The following DCHS2 variants were observed in gnomAD, a reference collection of about 807,000 sequenced individuals.
DCHS2 encodes dachsous cadherin-related 2.
DCHS2 carries 142 observed loss-of-function variants against 182.4 expected under a neutral mutation model. That is an observed-to-expected ratio of 0.78 (90% CI 0.68 to 0.89). The LOEUF is 0.89. Among genes scored for constraint, DCHS2 ranks in the 40% least tolerant of loss-of-function variants. DCHS2 has a pLI of 0.00. For synonymous variants in DCHS2, 1,740 were observed against 1,663.3 expected (o/e 1.05, Z -1.12); for missense variants, 4,319 against 4,198.6 (o/e 1.03, Z -0.79).
At chr4:154,336,434 T>C (rs1728814881) in intron 3 of DCHS2, among the ~76,000 whole-genome samples, 1 of 152,238 alleles carries the variant, frequency 6.6e-6, no homozygotes, top group African/African-American at 2.4e-5. Flanking sequence ...CAAATACGTA[T>C]GGCTGGCCTT....
chr4:154,411,131 C>T (rs1732613325), intron 1 of DCHS2, among the ~76,000 whole-genome samples: 1 of 152,072 alleles, frequency 6.6e-6, no homozygotes, highest in Non-Finnish European at 1.5e-5. Flanking sequence ...AGAAGTCAGA[C>T]ACAGAAAGAA....
chr4:154,268,090 A>G (rs910921675), intron 14 of DCHS2, among the ~76,000 whole-genome samples: 4 of 152,234 alleles, frequency 2.6e-5, no homozygotes, highest in African/African-American at 9.6e-5. Context: ...GTGAGGTGCC[A>G]TAGCAAAACT....
rs765523587 is a variant in DCHS2 at position 154,304,735 on chromosome 4, C to T, written c.5539G>A (p.Val1847Ile). The T allele has an allele frequency of 6.8e-6, 11 of 1,614,070 alleles. No individual in the cohort carries two copies. The South Asian group carries it at 1.1e-4, about 16-fold the overall frequency. ...ATATCAGAGGCTAAAACCGTATAGA[C>T]AACCTCTGGTTCCTGGTTTTCCAGA... ...EVLENQEPEV[V>I]YTVLASDMDA... The change falls in exon 12 of 20, where the codon GTC becomes ATC. Residue 1847 changes from valine (V) to isoleucine (I), a missense_variant. Physicochemically the swap from Val to Ile is conservative, Grantham distance 29 (BLOSUM62 3). Coordinates refer to ENST00000357232, the MANE Select transcript of DCHS2 (RefSeq NM_001358235.2).
At chr4:154,328,050 A>C in intron 7 of DCHS2, 43 bp downstream of exon 7, 1 of 1,404,966 alleles carries the variant, frequency 7.1e-7, no homozygotes, top group Non-Finnish European at 9.7e-7. Flanking sequence ...ATGAAAGCAG[A>C]AATCCTAAAA....
At chr4:154,251,340 A>G (rs972824154) in intron 16 of DCHS2, among the ~76,000 whole-genome samples, 4 of 152,212 alleles carry the variant, frequency 2.6e-5, no homozygotes, top group African/African-American at 7.2e-5. Flanking sequence ...TCTACCATGT[A>G]CTAGCTTCGG....
intron 1 of DCHS2, among the ~76,000 whole-genome samples, chr4:154,399,300 G>C (rs924949679): frequency 2.0e-5 from 3 of 152,108 alleles, no homozygotes; most frequent in Non-Finnish European, 2.9e-5. Context: ...CAGATGCCAC[G>C]CAAGAGTTTA....
In DCHS2 at chr4:154,401,468, A is replaced by G. The variant is rs1464015666; in HGVS notation, c.2053-24024T>C. 2.6e-5 allele frequency among the ~76,000 whole-genome samples: 4 copies of G among 152,210 alleles called. No individual in the cohort carries two copies. The East Asian group carries it at 7.7e-4, about 29-fold the overall frequency. ...AACACTTCTAAGTATTTTACCAGTA[A>G]CATATGAGTTCCAGCTGCTGCTCCA... On this transcript the variant is annotated intron_variant, in intron 1 of 19. Coordinates refer to ENST00000357232, the MANE Select transcript of DCHS2 (RefSeq NM_001358235.2).
chr4:154,419,839 C>T (rs566044290), intron 1 of DCHS2, among the ~76,000 whole-genome samples: 1 of 133,676 alleles, frequency 7.5e-6, no homozygotes, highest in South Asian at 2.4e-4. Context: ...AAAAAAAAGC[C>T]AGAGAAGAAC....
At position 154,489,577 on chromosome 4, in the gene DCHS2, T is replaced by C; in HGVS notation, c.1779A>G (p.Gln593=). 1.9e-6 allele frequency: 3 copies of C among 1,550,944 alleles called. No homozygotes were observed. The highest frequency in any genetic ancestry group is 1.2e-5 in the South Asian group (1 of 84,044). Residue 593 remains glutamine, a synonymous_variant, in exon 1 of 20, where the codon CAA becomes CAG. Transcript: ENST00000357232. ...LSAPCNLGSL[Q]SKMVHTAECG... The stretch of plus-strand genomic sequence containing the variant: ...ACTCTGCGGTGTGGACCATCTTTGA[T>C]TGCAGGGAGCCGAGATTGCAGGGAG...
intron 13 of DCHS2, among the ~76,000 whole-genome samples, chr4:154,279,894 C>T (rs1734047072): frequency 6.6e-6 from 1 of 151,282 alleles, no homozygotes; most frequent in Non-Finnish European, 1.5e-5. Flanking sequence ...AAATAAATGA[C>T]ATTATAGAAA....
intron 1 of DCHS2, among the ~76,000 whole-genome samples, chr4:154,454,782 T>C (rs1004479244): frequency 2.6e-5 from 4 of 152,190 alleles, no homozygotes; most frequent in African/African-American, 9.6e-5. Context: ...TACCAGCTCA[T>C]AGTACAGTTG....
chr4:154,390,169 G>A (rs1731628348), intron 1 of DCHS2, among the ~76,000 whole-genome samples: 1 of 149,708 alleles, frequency 6.7e-6, no homozygotes. Flanking sequence ...CATTGTGCAG[G>A]TTAGTTACAT....
At chr4:154,436,553 TATTTAAAAATCCTTTATCC>T (rs1389988229) in intron 1 of DCHS2, among the ~76,000 whole-genome samples, 17 of 152,222 alleles carry the variant, frequency 1.1e-4, no homozygotes, top group African/African-American at 4.1e-4. Context: ...CTGTATGGTT[TATTTAAAAATCCTTTATCC>T]AGAAATTTAT....
chr4:154,267,568 C>G (rs139229829), intron 14 of DCHS2, among the ~76,000 whole-genome samples: 1 of 152,156 alleles, frequency 6.6e-6, no homozygotes, highest in Non-Finnish European at 1.5e-5. Flanking sequence ...GGGTTCTTCA[C>G]TTTGTATACT....
intron 16 of DCHS2, among the ~76,000 whole-genome samples, chr4:154,246,221 A>G (rs963602399): frequency 6.6e-6 from 1 of 152,206 alleles, no homozygotes; most frequent in Non-Finnish European, 1.5e-5. Flanking sequence ...AAGATTATTT[A>G]TGTTATTTTA....
At chr4:154,343,068 CATTGTCAGTGAGCAGTAATG>C (rs1428394084) in intron 3 of DCHS2, among the ~76,000 whole-genome samples, 4 of 152,202 alleles carry the variant, frequency 2.6e-5, no homozygotes, top group African/African-American at 9.6e-5. Flanking sequence ...TAGCCATGTG[CATTGTCAGTGAGCAGTAATG>C]ATTTGAAAGA....
intron 7 of DCHS2, among the ~76,000 whole-genome samples, chr4:154,326,570 A>G (rs1736291851): frequency 6.6e-6 from 1 of 152,186 alleles, no homozygotes; most frequent in Non-Finnish European, 1.5e-5. Flanking sequence ...AAAGATTTCT[A>G]CATTTAATAA....
At chr4:154,240,420 C>G (rs976877535) in intron 18 of DCHS2, 117 bp downstream of exon 18, 1 of 1,237,118 alleles carries the variant, frequency 8.1e-7, no homozygotes, top group South Asian at 1.6e-5. Flanking sequence ...TTAACTTAGG[C>G]ACTACAAACA....
At chr4:154,343,642 C>A (rs1200791473) in intron 3 of DCHS2, 11 of 1,475,718 alleles carry the variant, frequency 7.5e-6, no homozygotes, top group East Asian at 7.4e-5. Context: ...TCTCTTTCAA[C>A]CTTCCTATAT....
Sources: gnomAD v4.1 joint callset for allele counts (sites outside exome capture counted in the v4.1 genomes callset) on GRCh38, gnomAD v4.1.1 for gene constraint, MANE v1.5 for transcripts, NCBI Gene and HGNC (gene_info 2026-07-23, HGNC 2026-07-21) for gene names.